Variants in TMEM74 observed in about 807,000 individuals in gnomAD.
TMEM74 encodes transmembrane protein 74.
Under a neutral mutation model 18.1 loss-of-function variants are expected in TMEM74, and 13 were observed. The ratio of observed to expected loss-of-function variants is 0.72; its 90% CI spans 0.47 to 1.14. The LOEUF is 1.14. Ranked by LOEUF, TMEM74 falls within the 50% of genes most tolerant of loss-of-function variation. The pLI is 0.00. For synonymous variants in TMEM74, 159 were observed against 146.6 expected, an observed-to-expected ratio of 1.08 and a Z score of -0.61; for missense variants, 372 against 375.9, an observed-to-expected ratio of 0.99 and a Z score of 0.09.
At chr8:108,732,682 G>A (rs754602371) in intron 1 of TMEM74, among the ~76,000 whole-genome samples, 1 of 151,928 alleles carries the variant, frequency 6.6e-6, no homozygotes, top group Middle Eastern at 3.4e-3. Context: ...CAAAAAAAGG[G>A]CACTTCAGCT....
At chr8:108,734,903 A>T (rs930803296) in intron 1 of TMEM74, among the ~76,000 whole-genome samples, 8 of 152,174 alleles carry the variant, frequency 5.3e-5, no homozygotes, top group African/African-American at 1.7e-4. Context: ...TTAAAATTTT[A>T]AAAAAGACAC....
At chr8:108,684,762 G>A (rs1432881232) in intron 1 of TMEM74, among the ~76,000 whole-genome samples, 1 of 151,128 alleles carries the variant, frequency 6.6e-6, no homozygotes, top group Non-Finnish European at 1.5e-5. Flanking sequence ...TTTTGTATAG[G>A]TGAGAGGCGG....
Position 108,784,535 on chromosome 8 carries a change from C to T in TMEM74, c.564G>A (p.Gly188=). ...FISAILFLVT[G]ILLVIISYIV... ...TGTAAGAGATGATCACGAGCAGGATCCCAGTGACCAAGAACAAGATGGCGC... is the reference window on the plus strand; with the variant it reads ...TGTAAGAGATGATCACGAGCAGGATTCCAGTGACCAAGAACAAGATGGCGC... The change falls in exon 2 of 2, where the codon GGG becomes GGA. Residue 188 remains glycine, a synonymous_variant. Transcript: ENST00000297459. The T allele has an allele frequency of 6.2e-7, 1 of 1,614,160 alleles. No individual in the cohort carries two copies. Among genetic ancestry groups the T allele is most frequent in the South Asian group, 1.1e-5 (1 of 91,072 alleles).
chr8:108,632,450 C>T (rs370148466), intron 2 of TMEM74, among the ~76,000 whole-genome samples: 1 of 151,844 alleles, frequency 6.6e-6, no homozygotes, highest in African/African-American at 2.4e-5. Flanking sequence ...ATATATTTAT[C>T]ATTAGAAAAT....
chr8:108,692,248 G>A (rs931328922), intron 1 of TMEM74, among the ~76,000 whole-genome samples: 1 of 152,172 alleles, frequency 6.6e-6, no homozygotes, highest in Non-Finnish European at 1.5e-5. Flanking sequence ...AACAACACTA[G>A]CAAAGGTTAA....
At chr8:108,714,635 GA>G (rs1389141752) in intron 1 of TMEM74, among the ~76,000 whole-genome samples, 1 of 152,140 alleles carries the variant, frequency 6.6e-6, no homozygotes, top group Non-Finnish European at 1.5e-5. Context: ...ATTTCTTAAA[GA>G]ACTCAGAACT....
chr8:108,764,529 G>A lies in TMEM74; in HGVS notation n.119+22947C>T, dbSNP rs76431962. On this transcript the variant is annotated intron_variant and non_coding_transcript_variant, in intron 1 of 3. Coordinates refer to the TMEM74 transcript ENST00000518838. ...TACATTTTTTTCCTGTTCTGAAATA[G>A]AGAGTGCTTTGAGTTTAAGATGAGG... 6.7e-3 allele frequency among the ~76,000 whole-genome samples: 1,014 copies of A among 152,236 alleles called. 8 individuals are homozygous for A. Among genetic ancestry groups the A allele is most frequent in the African/African-American group, 0.023 (964 of 41,538 alleles).
At chr8:108,699,599 G>A (rs1227980592) in intron 1 of TMEM74, among the ~76,000 whole-genome samples, 1 of 152,048 alleles carries the variant, frequency 6.6e-6, no homozygotes, top group Non-Finnish European at 1.5e-5. Context: ...TGAAACACTG[G>A]GCCTCCTGTT....
intron 1 of TMEM74, among the ~76,000 whole-genome samples, chr8:108,664,355 G>A (rs1464250471): frequency 6.6e-6 from 1 of 152,012 alleles, no homozygotes; most frequent in East Asian, 1.9e-4. Context: ...CTGGTTAGCT[G>A]TATTTCTAAA....
chr8:108,726,870 T>G (rs1287909459), intron 1 of TMEM74, among the ~76,000 whole-genome samples: 1 of 151,868 alleles, frequency 6.6e-6, no homozygotes, highest in African/African-American at 2.4e-5. Context: ...ACCTAGAGGA[T>G]ATTAGGTGAA....
At chr8:108,760,218 C>T (rs1382746200) in intron 1 of TMEM74, among the ~76,000 whole-genome samples, 2 of 151,048 alleles carry the variant, frequency 1.3e-5, no homozygotes, top group Non-Finnish European at 3.0e-5. Flanking sequence ...TCCACTATGA[C>T]ATTCAGAGCA....
intron 1 of TMEM74, among the ~76,000 whole-genome samples, chr8:108,731,240 A>C (rs866708186): frequency 5.7e-4 from 85 of 148,560 alleles, no homozygotes; most frequent in Non-Finnish European, 6.4e-4. Flanking sequence ...CATCCCCCCC[A>C]AAAAAAGGAC....
chr8:108,682,839 T>C (rs1170350953), intron 1 of TMEM74, among the ~76,000 whole-genome samples: 1 of 151,964 alleles, frequency 6.6e-6, no homozygotes, highest in African/African-American at 2.4e-5. Flanking sequence ...AATTGGAGTT[T>C]GACTCAATAA....
intron 2 of TMEM74, among the ~76,000 whole-genome samples, chr8:108,653,705 C>G (rs748869852): frequency 5.3e-5 from 8 of 152,106 alleles, no homozygotes; most frequent in Non-Finnish European, 1.0e-4. Flanking sequence ...AAAAGCAAAG[C>G]ACAGCACAGT....
chr8:108,775,759 G>A (rs771796569), downstream of TMEM74, among the ~76,000 whole-genome samples: 8 of 152,112 alleles, frequency 5.3e-5, no homozygotes, highest in Non-Finnish European at 1.0e-4. Context: ...CTTATATTCT[G>A]TTCGCAATCA....
intron 1 of TMEM74, among the ~76,000 whole-genome samples, chr8:108,767,015 C>G (rs1814115764): frequency 6.6e-6 from 1 of 152,174 alleles, no homozygotes; most frequent in Non-Finnish European, 1.5e-5. Context: ...GGTACCCACC[C>G]AGATTGAGGG....
chr8:108,678,350 C>T (rs146783025), intron 1 of TMEM74, among the ~76,000 whole-genome samples: 24 of 152,038 alleles, frequency 1.6e-4, no homozygotes, highest in African/African-American at 5.5e-4. Flanking sequence ...AGTAATCCTA[C>T]GCTGCCATTA....
intron 2 of TMEM74, among the ~76,000 whole-genome samples, chr8:108,630,966 C>G (rs936110819): frequency 2.0e-5 from 3 of 151,944 alleles, no homozygotes; most frequent in African/African-American, 7.2e-5. Flanking sequence ...GGGGCACACT[C>G]ACTCAGTCAC....
chr8:108,649,329 T>C (rs1324759350), intron 2 of TMEM74, among the ~76,000 whole-genome samples: 6 of 152,064 alleles, frequency 3.9e-5, no homozygotes, highest in African/African-American at 1.4e-4. Flanking sequence ...TGACATTCAA[T>C]AAGTATTCAA....
Sources: gnomAD v4.1 joint callset for allele counts (sites outside exome capture counted in the v4.1 genomes callset) on GRCh38, gnomAD v4.1.1 for gene constraint, MANE v1.5 for transcripts, NCBI Gene and HGNC (gene_info 2026-07-23, HGNC 2026-07-21) for gene names.